Variants in FHIT observed in about 807,000 individuals in gnomAD.
The protein encoded by FHIT is bis(5'-adenosyl)-triphosphatase.
Under a neutral mutation model 17.9 loss-of-function variants are expected in FHIT, and 19 were observed. The observed-to-expected ratio is 1.06, with a 90% CI of 0.74 to 1.56. The LOEUF (loss-of-function observed/expected upper bound fraction) is 1.56. Ranked by LOEUF, FHIT falls within the 40% of genes most tolerant of loss-of-function variation. The pLI is 0.00. For missense variants in FHIT, 248 were observed against 189.2 expected, an observed-to-expected ratio of 1.31 and a Z score of -1.82; for synonymous variants, 81 against 69.7, an observed-to-expected ratio of 1.16 and a Z score of -0.81.
At chr3:60,707,380 T>TG (rs1164096261) in intron 4 of FHIT, among the ~76,000 whole-genome samples, 2 of 152,204 alleles carry the variant, frequency 1.3e-5, no homozygotes, top group East Asian at 1.9e-4. Flanking sequence ...AATGTTTATT[T>TG]GGGGGGTTTA....
intron 5 of FHIT, among the ~76,000 whole-genome samples, chr3:60,412,817 G>T (rs1357908054): frequency 6.6e-6 from 1 of 152,140 alleles, no homozygotes; most frequent in Non-Finnish European, 1.5e-5. Context: ...TTGGATTATG[G>T]GGGTGGGTTT....
chr3:60,477,640 A>G (rs1389659872), intron 5 of FHIT, among the ~76,000 whole-genome samples: 1 of 152,212 alleles, frequency 6.6e-6, no homozygotes, highest in Admixed American at 6.5e-5. Flanking sequence ...TTTCTGGTAG[A>G]TGAATTTCAT....
chr3:59,927,926 C>A (rs1371738371), intron 7 of FHIT, among the ~76,000 whole-genome samples: 1 of 152,246 alleles, frequency 6.6e-6, no homozygotes, highest in African/African-American at 2.4e-5. Flanking sequence ...TTGAACACAT[C>A]TCTTCTGCCC....
At chr3:60,846,406 C>T (rs1005766615) in intron 3 of FHIT, among the ~76,000 whole-genome samples, 2 of 152,158 alleles carry the variant, frequency 1.3e-5, no homozygotes, top group African/African-American at 2.4e-5. Context: ...AACCTATACA[C>T]AAATATAGCA....
chr3:61,139,687 T>C (rs2037019580), intron 2 of FHIT, among the ~76,000 whole-genome samples: 1 of 152,168 alleles, frequency 6.6e-6, no homozygotes, highest in African/African-American at 2.4e-5. Flanking sequence ...TTCAATAAAT[T>C]TTGCTGTAGC....
chr3:60,727,027 C>T (rs1553709757), intron 4 of FHIT, among the ~76,000 whole-genome samples: 1 of 152,060 alleles, frequency 6.6e-6, no homozygotes, highest in Non-Finnish European at 1.5e-5. Flanking sequence ...TATTTCCTCC[C>T]AATACAGAAA....
At chr3:60,395,476 A>C (rs1170345228) in intron 5 of FHIT, among the ~76,000 whole-genome samples, 1 of 152,144 alleles carries the variant, frequency 6.6e-6, no homozygotes, top group African/African-American at 2.4e-5. Flanking sequence ...ATTCCTTTCC[A>C]CAGTAAAAGA....
chr3:60,997,630 G>C (rs186810226), intron 3 of FHIT, among the ~76,000 whole-genome samples: 1 of 152,022 alleles, frequency 6.6e-6, no homozygotes, highest in African/African-American at 2.4e-5. Context: ...CTTTGTCCTC[G>C]TATTACAGTA....
intron 3 of FHIT, among the ~76,000 whole-genome samples, chr3:60,990,587 T>C (rs2030109732): frequency 1.3e-5 from 2 of 152,342 alleles, no homozygotes; most frequent in South Asian, 2.1e-4. Context: ...CTAGTATTTT[T>C]ATAATAAGCA....
At chr3:60,229,121 G>A (rs1057414669) in intron 5 of FHIT, among the ~76,000 whole-genome samples, 1 of 152,092 alleles carries the variant, frequency 6.6e-6, no homozygotes, top group East Asian at 1.9e-4. Flanking sequence ...GTGCCCTCAA[G>A]AAAGTCATTA....
At chr3:60,153,291 T>G (rs1700544005) in intron 5 of FHIT, among the ~76,000 whole-genome samples, 1 of 149,426 alleles carries the variant, frequency 6.7e-6, no homozygotes, top group South Asian at 2.1e-4. Context: ...CTCTTCAAAG[T>G]TCTTTCTACG....
At chr3:60,155,805 T>C (rs756547095) in intron 5 of FHIT, among the ~76,000 whole-genome samples, 1 of 152,086 alleles carries the variant, frequency 6.6e-6, no homozygotes, top group Non-Finnish European at 1.5e-5. Flanking sequence ...AACAAACACA[T>C]GTCAAGGGCC....
intron 4 of FHIT, among the ~76,000 whole-genome samples, chr3:60,612,644 G>A (rs2038821543): frequency 6.6e-6 from 1 of 152,146 alleles, no homozygotes; most frequent in African/African-American, 2.4e-5. Context: ...GGTGGTAAAA[G>A]TTAGTTAAAT....
At position 59,960,382 on chromosome 3, in the gene FHIT, G is replaced by A. The variant is rs1490978134; in HGVS notation, c.280-37968C>T. Among the ~76,000 whole-genome samples, 4 of 152,204 alleles carry A rather than the reference G, an allele frequency of 2.6e-5. No individual in the cohort carries two copies. The East Asian group carries it at 7.7e-4, about 29-fold the overall frequency. On this transcript the variant is annotated intron_variant, in intron 7 of 9. Transcript: ENST00000492590. ...GATTTGGGAAGATGAGGAAGCAGGAGGCAAGGATAATCCCTAGATTTCTGA... is the reference window on the plus strand; with the variant it reads ...GATTTGGGAAGATGAGGAAGCAGGAAGCAAGGATAATCCCTAGATTTCTGA...
At chr3:59,826,938 C>T (rs1192235554) in intron 8 of FHIT, among the ~76,000 whole-genome samples, 1 of 152,210 alleles carries the variant, frequency 6.6e-6, no homozygotes, top group African/African-American at 2.4e-5. Context: ...AGATAATACA[C>T]TTTCTTTTTT....
At chr3:61,068,832 T>C (rs1390819342) in intron 2 of FHIT, among the ~76,000 whole-genome samples, 2 of 152,156 alleles carry the variant, frequency 1.3e-5, no homozygotes, top group African/African-American at 2.4e-5. Context: ...AACAAACTGG[T>C]TGACTGCAGC....
intron 3 of FHIT, among the ~76,000 whole-genome samples, chr3:61,020,292 T>C (rs921653353): frequency 2.0e-5 from 3 of 152,248 alleles, no homozygotes; most frequent in East Asian, 1.9e-4. Context: ...TGACCAGTGA[T>C]GATGAGTTTT....
chr3:59,937,137 T>C (rs1183957735), intron 7 of FHIT, among the ~76,000 whole-genome samples: 1 of 152,228 alleles, frequency 6.6e-6, no homozygotes, highest in Non-Finnish European at 1.5e-5. Flanking sequence ...ATTACTTACA[T>C]AATTTTATGT....
intron 5 of FHIT, among the ~76,000 whole-genome samples, chr3:60,253,814 CGTG>C (rs1308307232): frequency 6.6e-6 from 1 of 152,178 alleles, no homozygotes; most frequent in Non-Finnish European, 1.5e-5. Context: ...CAGGACAAAA[CGTG>C]GTATCCTTCT....
Sources: allele counts gnomAD v4.1 joint callset (sites outside exome capture counted in the v4.1 genomes callset), GRCh38; gene constraint gnomAD v4.1.1; transcripts MANE v1.5; gene names NCBI Gene and HGNC (gene_info 2026-07-23, HGNC 2026-07-21).